Variants in SYTL2 observed in about 807,000 individuals in gnomAD.
SYTL2 encodes the protein synaptotagmin-like protein 2.
SYTL2 carries 165 observed loss-of-function variants against 198.7 expected under a neutral mutation model. The observed-to-expected ratio is 0.83, with a 90% CI of 0.73 to 0.94. The LOEUF is 0.94. Among genes scored for constraint, SYTL2 ranks in the 40% least tolerant of loss-of-function variants. The probability of loss-of-function intolerance (pLI) is 0.00; values close to 1 mark genes in which losing one functional copy is unlikely to be tolerated. For missense variants in SYTL2, 2,835 were observed against 2,582.8 expected (o/e 1.10, Z -2.12); for synonymous variants, 966 against 917.7 (o/e 1.05, Z -0.95).
intron 15 of SYTL2, chr11:85,705,234 C>T: frequency 2.2e-6 from 1 of 444,926 alleles, no homozygotes; most frequent in Non-Finnish European, 4.0e-6. Flanking sequence ...TGATTTGCTT[C>T]CCCACTCTGG....
In SYTL2 at chr11:85,696,373, A is replaced by G. The variant is rs751697510; in HGVS notation, c.6384T>C (p.Asp2128=). 5 of 1,613,854 alleles carry G rather than the reference A, an allele frequency of 3.1e-6. No homozygotes were observed. Among genetic ancestry groups the G allele is most frequent in the Non-Finnish European group, 4.2e-6 (5 of 1,179,774 alleles). ...NSFVKCTILP[D]TSRKSRQKTR... is the part of the protein sequence containing the mutation. ...TCTTCTGGCGACTTTTCCTACTTGT[A>G]TCTGGAAGGATGGTACTACAAAAAG... Residue 2128 remains aspartate, a synonymous_variant, in exon 19 of 20, where the codon GAT becomes GAC. Coordinates refer to ENST00000359152, the MANE Select transcript of SYTL2 (RefSeq NM_206927.4).
the SYTL2 span, among the ~76,000 whole-genome samples, chr11:85,834,486 G>T: frequency 4.6e-5 from 7 of 152,092 alleles, no homozygotes; most frequent in East Asian, 1.4e-3. Context: ...GTTTATTACA[G>T]ACAGTCCTCA....
At position 85,729,295 on chromosome 11, in the gene SYTL2, C is replaced by G. The variant is rs2089564646; in HGVS notation, c.1391-1328G>C. On this transcript the variant is annotated intron_variant, in intron 7 of 19. Transcript: ENST00000359152. Reference sequence around the variant, plus strand: ...AAATCAACAGAATACACGTTCTTCTCAGCACCACATCGCACTTATTCTAAA... The same window carrying G: ...AAATCAACAGAATACACGTTCTTCTGAGCACCACATCGCACTTATTCTAAA... Among the ~76,000 whole-genome samples, 3 of 152,312 alleles carry G rather than the reference C, an allele frequency of 2.0e-5. No homozygotes were observed. The South Asian group carries it at 6.2e-4, about 32-fold the overall frequency.
chr11:85,697,415 TA>T (rs1160021444), intron 18 of SYTL2, among the ~76,000 whole-genome samples: 1 of 152,176 alleles, frequency 6.6e-6, no homozygotes, highest in Admixed American at 6.5e-5. Flanking sequence ...TTAGAGAAAC[TA>T]GGAGAGCATA....
intron 1 of SYTL2, among the ~76,000 whole-genome samples, chr11:85,806,282 C>A (rs2092957825): frequency 6.6e-6 from 1 of 152,166 alleles, no homozygotes; most frequent in South Asian, 2.1e-4. Context: ...GTCTTTGCTC[C>A]CTTTTTCCTT....
rs2083215454 is a variant in SYTL2 at position 85,694,972 on chromosome 11, T to C, written c.*223A>G. The C allele has an allele frequency of 2.7e-6, 1 of 374,924 alleles. No individual in the cohort carries two copies. The highest frequency in any genetic ancestry group is 9.9e-5 in the South Asian group (1 of 10,124). 23.2% of individuals were successfully genotyped at this position (374,924 alleles called of 1,614,324 possible). A position where few individuals can be genotyped will look rare whatever the true frequency, so the allele number is the denominator to read the frequency against. ...ATTCAATTTTCCTAGCTTGTTCAAA[T>C]ATCTTATTTAATATTAGAGTCACAA... On this transcript the variant is annotated 3_prime_UTR_variant, in exon 20 of 20. Coordinates refer to ENST00000359152, the MANE Select transcript of SYTL2 (RefSeq NM_206927.4).
chr11:85,703,545 A>G (rs533610185), intron 16 of SYTL2, among the ~76,000 whole-genome samples: 2 of 152,308 alleles, frequency 1.3e-5, no homozygotes, highest in East Asian at 3.9e-4. Flanking sequence ...CCAAGATTGA[A>G]AAAGATGTTA....
chr11:85,717,244 C>CATATAT, intron 11 of SYTL2: 1 of 265,332 alleles, frequency 3.8e-6, no homozygotes, highest in Non-Finnish European at 7.1e-6. Flanking sequence ...TCAGCAATAA[C>CATATAT]ATATATATAT....
rs200028080 is a variant in SYTL2 at position 85,724,183 on chromosome 11, T to C, written c.5175A>G (p.Lys1725=). ...NRQPIPLLMN[K]ENSTKTSKVE... ...CTTTACTTGTTTTTGTAGAGTTTTCTTTGTTCATCAGGAGAGGAATGGGTT... is the reference window on the plus strand; with the variant it reads ...CTTTACTTGTTTTTGTAGAGTTTTCCTTGTTCATCAGGAGAGGAATGGGTT... Residue 1725 remains lysine, a synonymous_variant, in exon 8 of 20, where the codon AAA becomes AAG. Coordinates refer to ENST00000359152, the MANE Select transcript of SYTL2 (RefSeq NM_206927.4). 2 of 1,604,516 alleles carry C rather than the reference T, an allele frequency of 1.2e-6. No homozygotes were observed. The highest frequency in any genetic ancestry group is 3.5e-5 in the Admixed American group (2 of 57,050).
chr11:85,753,742 G>A (rs1250635971), intron 2 of SYTL2, among the ~76,000 whole-genome samples: 1 of 143,980 alleles, frequency 6.9e-6, no homozygotes, highest in Non-Finnish European at 1.5e-5. Flanking sequence ...TCCAGCCTGG[G>A]TCACAGAGAG....
the SYTL2 span, among the ~76,000 whole-genome samples, chr11:85,848,207 T>G: frequency 6.6e-6 from 1 of 150,846 alleles, no homozygotes; most frequent in Non-Finnish European, 1.5e-5. Flanking sequence ...ACTGCTGCAT[T>G]CCAGCCTGGT....
intron 7 of SYTL2, 185 bp downstream of exon 7, chr11:85,733,754 C>G: frequency 1.9e-6 from 1 of 516,882 alleles, no homozygotes; most frequent in Non-Finnish European, 3.4e-6. Flanking sequence ...CGCCCGCCAC[C>G]GCGCCCGGCT....
chr11:85,752,451 C>T (rs868434764), intron 2 of SYTL2, among the ~76,000 whole-genome samples: 8 of 152,280 alleles, frequency 5.3e-5, no homozygotes, highest in Admixed American at 2.0e-4. Context: ...TTCTACTACC[C>T]GATCCTGCCT....
intron 1 of SYTL2, among the ~76,000 whole-genome samples, chr11:85,787,691 T>C (rs2092657450): frequency 1.1e-5 from 1 of 88,048 alleles, no homozygotes. Flanking sequence ...TTCTGTTTTT[T>C]TTTCTTTTCC....
At chr11:85,761,966 G>A (rs1421600097) in intron 1 of SYTL2, among the ~76,000 whole-genome samples, 1 of 152,180 alleles carries the variant, frequency 6.6e-6, no homozygotes, top group Non-Finnish European at 1.5e-5. Flanking sequence ...GCCCAAGGTA[G>A]GTCTTATTAT....
At chr11:85,817,897 C>CTTTTTTT in the SYTL2 span, among the ~76,000 whole-genome samples, 20 of 119,870 alleles carry the variant, frequency 1.7e-4, 4 homozygotes, top group South Asian at 2.7e-4. Context: ...ACCTTTGTGT[C>CTTTTTTT]TTTTCTTTTT....
chr11:85,770,412 T>C (rs1178559397), intron 1 of SYTL2, among the ~76,000 whole-genome samples: 2 of 152,178 alleles, frequency 1.3e-5, no homozygotes, highest in African/African-American at 4.8e-5. Flanking sequence ...CTGTCTACCA[T>C]ACACAATCCA....
At chr11:85,848,832 C>T in the SYTL2 span, among the ~76,000 whole-genome samples, 1 of 152,044 alleles carries the variant, frequency 6.6e-6, no homozygotes, top group African/African-American at 2.4e-5. Context: ...CCTCTTATAT[C>T]TGAGAAAACA....
intron 1 of SYTL2, among the ~76,000 whole-genome samples, chr11:85,762,976 G>A (rs1254754653): frequency 2.0e-5 from 3 of 152,182 alleles, no homozygotes; most frequent in South Asian, 2.1e-4. Context: ...GAACACAGGT[G>A]GAAGGGGATT....
Sources: gnomAD v4.1 joint callset for allele counts (sites outside exome capture counted in the v4.1 genomes callset) on GRCh38, gnomAD v4.1.1 for gene constraint, MANE v1.5 for transcripts, NCBI Gene and HGNC (gene_info 2026-07-23, HGNC 2026-07-21) for gene names.